The following AGO2 variants were observed in gnomAD, a reference collection of about 807,000 sequenced individuals.
AGO2 encodes argonaute RISC catalytic component 2.
In AGO2, 5 loss-of-function variants were observed where a neutral mutation model predicts 102.3. The ratio of observed to expected loss-of-function variants is 0.05; its 90% confidence interval spans 0.03 to 0.10. AGO2 has a LOEUF of 0.10. Ranked by LOEUF, AGO2 falls within the 10% of genes least tolerant of loss-of-function variation. AGO2 has a pLI of 1.00. For synonymous variants in AGO2, 449 were observed against 473.1 expected (o/e 0.95, Z 0.66); for missense variants, 541 against 1,183.7 (o/e 0.46, Z 7.97).
chr8:140,631,144 G>A (rs750164632), intron 1 of AGO2, among the ~76,000 whole-genome samples: 6 of 151,980 alleles, frequency 3.9e-5, no homozygotes, highest in Non-Finnish European at 7.4e-5. Context: ...TCAACAAAAC[G>A]GAGCCCAAAA....
intron 13 of AGO2, among the ~76,000 whole-genome samples, chr8:140,545,842 G>A (rs532424565): frequency 3.7e-4 from 56 of 152,344 alleles, no homozygotes; most frequent in South Asian, 2.7e-3. Context: ...GGAGCCAGAG[G>A]TGGCCACACT....
chr8:140,619,179 G>A (rs1163624502), intron 1 of AGO2, among the ~76,000 whole-genome samples: 2 of 152,164 alleles, frequency 1.3e-5, no homozygotes, highest in African/African-American at 4.8e-5. Context: ...ACAAGACACA[G>A]CCACCCGCAC....
intron 1 of AGO2, chr8:140,592,002 C>G (rs1396892814): frequency 2.0e-5 from 3 of 152,186 alleles, no homozygotes; most frequent in Non-Finnish European, 4.4e-5. Flanking sequence ...CACCTGCAGT[C>G]CCAGCTATTT....
intron 1 of AGO2, among the ~76,000 whole-genome samples, chr8:140,610,567 C>T (rs1430201988): frequency 6.6e-6 from 1 of 152,204 alleles, no homozygotes; most frequent in East Asian, 1.9e-4. Flanking sequence ...CCACAAAAAG[C>T]ACAAAGAGAA....
chr8:140,630,907 C>T (rs768100990), intron 1 of AGO2, among the ~76,000 whole-genome samples: 1 of 152,116 alleles, frequency 6.6e-6, no homozygotes, highest in Non-Finnish European at 1.5e-5. Context: ...AAAACACCTT[C>T]GCTGGGCATG....
chr8:140,552,522 T>C (rs2073015702), intron 10 of AGO2, among the ~76,000 whole-genome samples: 1 of 152,152 alleles, frequency 6.6e-6, no homozygotes, highest in Admixed American at 6.5e-5. Flanking sequence ...GCAGGAAGCA[T>C]CTTTCGTACA....
chr8:140,595,521 G>A (rs532717151), intron 1 of AGO2, among the ~76,000 whole-genome samples: 37 of 148,416 alleles, frequency 2.5e-4, no homozygotes, highest in African/African-American at 9.2e-4. Flanking sequence ...CTGAAGTGCA[G>A]TGGTGCGATC....
chr8:140,636,073 G>T (rs2074405884), upstream of AGO2, among the ~76,000 whole-genome samples: 2 of 151,288 alleles, frequency 1.3e-5, no homozygotes, highest in African/African-American at 4.8e-5. Flanking sequence ...GCCCCCCGGT[G>T]GGGGGCGCAG....
chr8:140,558,638 G>A (rs993187656), intron 6 of AGO2, 66 bp from the exon 7 acceptor site: 44 of 1,520,332 alleles, frequency 2.9e-5, no homozygotes, highest in African/African-American at 9.6e-5. Context: ...CGCCACTTGC[G>A]AGAATCAGTT....
At chr8:140,639,614 TAAAA>T (rs770478461), upstream of AGO2, among the ~76,000 whole-genome samples, 6 of 144,118 alleles carry the variant, frequency 4.2e-5, no homozygotes, top group Admixed American at 1.4e-4. Context: ...CGCTACAAAA[TAAAA>T]AAAAATTAGC....
chr8:140,618,644 A>G (rs895008059), intron 1 of AGO2, among the ~76,000 whole-genome samples: 8 of 152,280 alleles, frequency 5.3e-5, no homozygotes, highest in Admixed American at 3.3e-4. Flanking sequence ...CCTGGGCAAC[A>G]TGGTGAAAAC....
chr8:140,621,411 C>A (rs2074216340), intron 1 of AGO2, among the ~76,000 whole-genome samples: 1 of 152,170 alleles, frequency 6.6e-6, no homozygotes, highest in Admixed American at 6.5e-5. Context: ...ATGACTCAGA[C>A]CGTGAGCTCG....
At chr8:140,615,393 A>G (rs1333499095) in intron 1 of AGO2, among the ~76,000 whole-genome samples, 1 of 152,194 alleles carries the variant, frequency 6.6e-6, no homozygotes, top group Admixed American at 6.5e-5. Flanking sequence ...CTCCTTGCCC[A>G]CCTGCTCTAG....
At chr8:140,607,436 A>C (rs1588501839) in intron 1 of AGO2, among the ~76,000 whole-genome samples, 1 of 137,090 alleles carries the variant, frequency 7.3e-6, no homozygotes, top group African/African-American at 2.7e-5. Context: ...ACCCCGTCTC[A>C]CCCCCACCTC....
At chr8:140,534,792 G>T (rs1588434084) in intron 17 of AGO2, among the ~76,000 whole-genome samples, 1 of 152,194 alleles carries the variant, frequency 6.6e-6, no homozygotes. Context: ...AGGCAGGGAC[G>T]GCACGTGACT....
intron 14 of AGO2, among the ~76,000 whole-genome samples, chr8:140,541,852 G>A (rs567995552): frequency 7.7e-4 from 117 of 151,736 alleles, no homozygotes; most frequent in Non-Finnish European, 1.4e-3. Context: ...ACAGTGAGCC[G>A]AGATCACACC....
At chr8:140,609,550 C>T (rs947530811) in intron 1 of AGO2, among the ~76,000 whole-genome samples, 4 of 152,334 alleles carry the variant, frequency 2.6e-5, no homozygotes, top group African/African-American at 9.6e-5. Context: ...CGGCCTCACT[C>T]CCTCAGGAAT....
At chr8:140,592,919 G>GC (rs2073764773) in intron 1 of AGO2, 1 of 152,386 alleles carries the variant, frequency 6.6e-6, no homozygotes, top group Non-Finnish European at 1.5e-5. Flanking sequence ...CAGCTGAGGA[G>GC]CCAGGAGCTC....
intron 1 of AGO2, among the ~76,000 whole-genome samples, chr8:140,612,103 G>A (rs2074085441): frequency 6.6e-6 from 1 of 151,768 alleles, no homozygotes; most frequent in South Asian, 2.1e-4. Flanking sequence ...GGCGCCTGTC[G>A]TCCCAGCTAC....
Sources: allele counts gnomAD v4.1 joint callset (sites outside exome capture counted in the v4.1 genomes callset), GRCh38; gene constraint gnomAD v4.1.1; transcripts MANE v1.5; gene names NCBI Gene and HGNC (gene_info 2026-07-23, HGNC 2026-07-21).